STXBP4: variants seen among roughly 807,000 people sequenced by gnomAD.
STXBP4 encodes the protein syntaxin-binding protein 4.
In STXBP4, 55 loss-of-function variants were observed where a neutral mutation model predicts 76.1. The observed-to-expected ratio is 0.72, with a 90% confidence interval of 0.58 to 0.91. The LOEUF is 0.91. Ranked by LOEUF, STXBP4 falls within the 40% of genes least tolerant of loss-of-function variation. The pLI, the probability that STXBP4 is intolerant of heterozygous loss-of-function variation, is 0.00. For missense variants in STXBP4, 618 were observed against 636.9 expected (o/e 0.97, Z 0.32); for synonymous variants, 201 against 220.2 (o/e 0.91, Z 0.77).
chr17:55,158,612 C>T (rs2080306338), intron 17 of STXBP4, among the ~76,000 whole-genome samples: 1 of 152,154 alleles, frequency 6.6e-6, no homozygotes, highest in Non-Finnish European at 1.5e-5. Flanking sequence ...AGGTTAAGAG[C>T]ATGATTTCGT....
At chr17:54,987,352 A>G (rs2030492600) in intron 3 of STXBP4, among the ~76,000 whole-genome samples, 1 of 152,176 alleles carries the variant, frequency 6.6e-6, no homozygotes, top group Non-Finnish European at 1.5e-5. Context: ...ATAAATATAC[A>G]CATATGTATG....
intron 3 of STXBP4, among the ~76,000 whole-genome samples, chr17:54,990,296 C>T (rs2144401185): frequency 1.3e-5 from 1 of 78,580 alleles, no homozygotes. Context: ...TCAGGCGACA[C>T]AGCAGGAGGT....
chr17:55,009,497 T>A (rs2078068066), intron 8 of STXBP4, among the ~76,000 whole-genome samples: 1 of 152,206 alleles, frequency 6.6e-6, no homozygotes, highest in Non-Finnish European at 1.5e-5. Flanking sequence ...TTATTTTTAA[T>A]CTGATTAATA....
chr17:55,057,717 C>T (rs745326356), intron 12 of STXBP4, among the ~76,000 whole-genome samples: 2 of 152,056 alleles, frequency 1.3e-5, no homozygotes, highest in African/African-American at 2.4e-5. Flanking sequence ...CTCCACCGCC[C>T]GACAGGCCCC....
chr17:55,119,516 T>C (rs1352729496), intron 16 of STXBP4, among the ~76,000 whole-genome samples: 1 of 152,024 alleles, frequency 6.6e-6, no homozygotes, highest in African/African-American at 2.4e-5. Context: ...GCTGATATAT[T>C]TTTAGTATGA....
intron 8 of STXBP4, among the ~76,000 whole-genome samples, chr17:55,016,372 T>A (rs1209796019): frequency 6.6e-6 from 1 of 152,172 alleles, no homozygotes; most frequent in East Asian, 1.9e-4. Flanking sequence ...AGAGCTGGGC[T>A]GGGTTCCTGA....
intron 12 of STXBP4, among the ~76,000 whole-genome samples, chr17:55,063,475 G>A (rs2079017064): frequency 1.3e-5 from 2 of 152,146 alleles, no homozygotes; most frequent in Non-Finnish European, 2.9e-5. Context: ...TCCATACTAT[G>A]AGCCACTTAT....
chr17:55,088,040 TA>T (rs1249543660), intron 16 of STXBP4, among the ~76,000 whole-genome samples: 1 of 152,226 alleles, frequency 6.6e-6, no homozygotes, highest in Non-Finnish European at 1.5e-5. Context: ...TCCTTTTATT[TA>T]GAAATATAAT....
intron 12 of STXBP4, among the ~76,000 whole-genome samples, chr17:55,071,883 G>A (rs2079124086): frequency 6.6e-6 from 1 of 152,114 alleles, no homozygotes; most frequent in South Asian, 2.1e-4. Context: ...CTATCGCAGA[G>A]AAAAGAGATT....
intron 12 of STXBP4, among the ~76,000 whole-genome samples, chr17:55,053,410 A>G (rs547098071): frequency 5.3e-5 from 8 of 152,224 alleles, no homozygotes; most frequent in African/African-American, 1.7e-4. Flanking sequence ...TAAATATTAC[A>G]TATATGAATA....
the STXBP4 span, among the ~76,000 whole-genome samples, chr17:55,179,587 C>G: frequency 1.3e-5 from 2 of 152,306 alleles, no homozygotes; most frequent in African/African-American, 4.8e-5. Context: ...TCTCCTACTT[C>G]TGCTACCCAT....
chr17:55,056,269 A>C (rs927908414), intron 12 of STXBP4, among the ~76,000 whole-genome samples: 2 of 152,090 alleles, frequency 1.3e-5, no homozygotes, highest in Non-Finnish European at 2.9e-5. Context: ...ATTATGAGAT[A>C]TTTTTACTTT....
intron 16 of STXBP4, among the ~76,000 whole-genome samples, chr17:55,098,024 A>G (rs773507923): frequency 2.6e-5 from 4 of 152,138 alleles, no homozygotes; most frequent in African/African-American, 7.2e-5. Context: ...CATCATTATA[A>G]TCTTCTTTGT....
chr17:54,996,358 G>A (rs1004817638), intron 4 of STXBP4, among the ~76,000 whole-genome samples: 1 of 151,608 alleles, frequency 6.6e-6, no homozygotes, highest in African/African-American at 2.4e-5. Flanking sequence ...GTGGAAGGTG[G>A]ATGATGAAGC....
At chr17:54,978,434 C>T (rs1336938306) in intron 1 of STXBP4, among the ~76,000 whole-genome samples, 2 of 152,138 alleles carry the variant, frequency 1.3e-5, no homozygotes, top group South Asian at 2.1e-4. Flanking sequence ...TTTATTTCTA[C>T]TGCCTGTCAA....
At chr17:55,051,696 A>G (rs1308221044) in intron 12 of STXBP4, among the ~76,000 whole-genome samples, 1 of 152,098 alleles carries the variant, frequency 6.6e-6, no homozygotes, top group South Asian at 2.1e-4. Context: ...GTGTGCTATT[A>G]TGGTGCCTGT....
downstream of STXBP4, among the ~76,000 whole-genome samples, chr17:55,174,390 G>C (rs925798070): frequency 6.6e-6 from 1 of 152,090 alleles, no homozygotes; most frequent in African/African-American, 2.4e-5. Context: ...TTTCTCATGG[G>C]TATGTAGTGG....
At chr17:55,184,970 C>T in the STXBP4 span, among the ~76,000 whole-genome samples, 7 of 152,192 alleles carry the variant, frequency 4.6e-5, no homozygotes, top group Admixed American at 1.3e-4. Flanking sequence ...CTCCTGGGCC[C>T]GAGCCATCCT....
intron 12 of STXBP4, among the ~76,000 whole-genome samples, chr17:55,047,376 T>A (rs2078804630): frequency 6.6e-6 from 1 of 151,886 alleles, no homozygotes; most frequent in Non-Finnish European, 1.5e-5. Context: ...AAAACAATGT[T>A]AAAACCTCTT....
Sources: gnomAD v4.1 joint callset for allele counts (sites outside exome capture counted in the v4.1 genomes callset) on GRCh38, gnomAD v4.1.1 for gene constraint, MANE v1.5 for transcripts, NCBI Gene and HGNC (gene_info 2026-07-23, HGNC 2026-07-21) for gene names.